The following ATRNL1 variants were observed in gnomAD, a reference collection of about 807,000 sequenced individuals.
The protein encoded by ATRNL1 is attractin-like protein 1.
In ATRNL1, 95 loss-of-function variants were observed where a neutral mutation model predicts 182.7. The ratio of observed to expected loss-of-function variants is 0.52; its 90% confidence interval spans 0.44 to 0.62. The LOEUF (loss-of-function observed/expected upper bound fraction) is 0.62. Ranked by LOEUF, ATRNL1 falls within the 20% of genes least tolerant of loss-of-function variation. The probability of loss-of-function intolerance (pLI) is 0.00; values close to 1 mark genes in which losing one functional copy is unlikely to be tolerated. For synonymous variants in ATRNL1, 576 were observed against 568.3 expected (o/e 1.01, Z -0.19); for missense variants, 1,471 against 1,679.5 (o/e 0.88, Z 2.17).
intron 20 of ATRNL1, among the ~76,000 whole-genome samples, chr10:115,419,958 C>T (rs1845575781): frequency 6.6e-6 from 1 of 151,800 alleles, no homozygotes; most frequent in South Asian, 2.1e-4. Flanking sequence ...CTAACAGCTG[C>T]AGAAGGCACA....
chr10:115,299,971 A>G (rs781948228), intron 15 of ATRNL1, 63 bp from the exon 16 acceptor site: 2 of 1,211,852 alleles, frequency 1.7e-6, no homozygotes, highest in South Asian at 1.3e-5. Context: ...ACTATTTGCT[A>G]AGGAATATGC....
intron 19 of ATRNL1, among the ~76,000 whole-genome samples, chr10:115,365,852 GAGTTCT>G (rs1207581308): frequency 2.0e-5 from 3 of 152,130 alleles, no homozygotes; most frequent in African/African-American, 7.2e-5. Context: ...TCTTAATCCT[GAGTTCT>G]AGTTTGATTG....
At chr10:115,167,203 C>CTTT (rs1363441137) in intron 7 of ATRNL1, among the ~76,000 whole-genome samples, 4 of 141,862 alleles carry the variant, frequency 2.8e-5, no homozygotes, top group Non-Finnish European at 3.1e-5. Context: ...AGTCCTTTGA[C>CTTT]CATGTATATG....
At chr10:115,099,606 G>T (rs1242763309) in intron 1 of ATRNL1, among the ~76,000 whole-genome samples, 1 of 152,088 alleles carries the variant, frequency 6.6e-6, no homozygotes, top group Non-Finnish European at 1.5e-5. Flanking sequence ...TACTTGGTAT[G>T]GTTAGTCTTT....
chr10:115,338,038 G>T (rs1201403495), intron 19 of ATRNL1, among the ~76,000 whole-genome samples: 1 of 151,736 alleles, frequency 6.6e-6, no homozygotes, highest in African/African-American at 2.4e-5. Flanking sequence ...CAGAGCTCTG[G>T]CCTGAATGCT....
chr10:115,755,319 C>T (rs1948557557), intron 27 of ATRNL1, among the ~76,000 whole-genome samples: 1 of 152,008 alleles, frequency 6.6e-6, no homozygotes, highest in Non-Finnish European at 1.5e-5. Context: ...TCATAAACAG[C>T]TCTTATGATT....
intron 5 of ATRNL1, among the ~76,000 whole-genome samples, chr10:115,141,999 A>G (rs1845770637): frequency 6.6e-6 from 1 of 152,038 alleles, no homozygotes. Flanking sequence ...AGCTTCTATT[A>G]AGTGCTAGAG....
chr10:115,797,809 A>G (rs781841996), intron 27 of ATRNL1, among the ~76,000 whole-genome samples: 2 of 152,224 alleles, frequency 1.3e-5, no homozygotes, highest in African/African-American at 2.4e-5. Context: ...GGAGCCAGCC[A>G]TAGGGCTATC....
At chr10:115,493,907 T>A (rs1479487190) in intron 24 of ATRNL1, among the ~76,000 whole-genome samples, 2 of 152,236 alleles carry the variant, frequency 1.3e-5, no homozygotes, top group Non-Finnish European at 2.9e-5. Context: ...GCCACATGTA[T>A]ATCTTCTTTT....
chr10:115,237,649 A>G (rs1316248529), intron 9 of ATRNL1, among the ~76,000 whole-genome samples: 4 of 152,158 alleles, frequency 2.6e-5, no homozygotes, highest in East Asian at 1.9e-4. Flanking sequence ...ATGTGTTACA[A>G]ATATGTTCTC....
At chr10:115,727,035 T>C (rs1947620185) in intron 26 of ATRNL1, among the ~76,000 whole-genome samples, 1 of 152,124 alleles carries the variant, frequency 6.6e-6, no homozygotes, top group African/African-American at 2.4e-5. Flanking sequence ...GGAAAAGTTA[T>C]TTGTAGGCAC....
At chr10:115,203,789 G>T (rs1212206587) in intron 8 of ATRNL1, among the ~76,000 whole-genome samples, 1 of 129,678 alleles carries the variant, frequency 7.7e-6, no homozygotes, top group Non-Finnish European at 1.6e-5. Flanking sequence ...TAGAGACAGG[G>T]TTTCACTATG....
At chr10:115,788,025 G>A (rs1949437714) in intron 27 of ATRNL1, among the ~76,000 whole-genome samples, 1 of 152,160 alleles carries the variant, frequency 6.6e-6, no homozygotes, top group Non-Finnish European at 1.5e-5. Flanking sequence ...CACCAAATTT[G>A]TGTAATCTGT....
At chr10:115,471,314 C>T (rs1848301510) in intron 24 of ATRNL1, among the ~76,000 whole-genome samples, 2 of 150,898 alleles carry the variant, frequency 1.3e-5, no homozygotes, top group African/African-American at 4.8e-5. Context: ...TGTGAGAGTG[C>T]AGCTGTATCT....
At chr10:115,439,347 C>T (rs1846555197) in intron 21 of ATRNL1, among the ~76,000 whole-genome samples, 1 of 151,726 alleles carries the variant, frequency 6.6e-6, no homozygotes, top group Admixed American at 6.6e-5. Flanking sequence ...AAGTATACAT[C>T]ATGTGAAAAA....
chr10:115,917,815 T>C (rs1475855531), intron 28 of ATRNL1, among the ~76,000 whole-genome samples: 1 of 152,164 alleles, frequency 6.6e-6, no homozygotes, highest in African/African-American at 2.4e-5. Context: ...GGCTCAGCAC[T>C]CCCTCACCTG....
intron 26 of ATRNL1, among the ~76,000 whole-genome samples, chr10:115,558,909 A>C (rs1263278809): frequency 1.3e-5 from 2 of 152,008 alleles, no homozygotes; most frequent in African/African-American, 4.8e-5. Context: ...TCATCCCCCC[A>C]GCTCCCTTTT....
At chr10:115,826,836 G>T (rs1555092160) in intron 27 of ATRNL1, among the ~76,000 whole-genome samples, 2 of 152,104 alleles carry the variant, frequency 1.3e-5, no homozygotes, top group African/African-American at 4.8e-5. Flanking sequence ...TATTCAGAAA[G>T]AACCAATTGA....
chr10:115,205,593 A>G lies in ATRNL1; in HGVS notation c.1349-10104A>G, dbSNP rs767244878. 1.2e-3 allele frequency among the ~76,000 whole-genome samples: 183 copies of G among 151,640 alleles called. 4 individuals carry two copies. The highest frequency in any genetic ancestry group is 2.0e-3 in the Non-Finnish European group (137 of 67,800). On this transcript the variant is annotated intron_variant, in intron 8 of 28. Transcript: ENST00000355044. ...TTATTTGAACATTTTTTAGTATTCCATTTTAATCTTATCTTAATGTGATAT... is the reference window on the plus strand; with the variant it reads ...TTATTTGAACATTTTTTAGTATTCCGTTTTAATCTTATCTTAATGTGATAT...
Sources: gnomAD v4.1 joint callset for allele counts (sites outside exome capture counted in the v4.1 genomes callset) on GRCh38, gnomAD v4.1.1 for gene constraint, MANE v1.5 for transcripts, NCBI Gene and HGNC (gene_info 2026-07-23, HGNC 2026-07-21) for gene names.